Variants in MYO5B observed in about 807,000 individuals in gnomAD.
The protein encoded by MYO5B is unconventional myosin-Vb.
A neutral mutation model predicts 229.3 loss-of-function variants in MYO5B; 143 were observed. The observed-to-expected ratio is 0.62, with a 90% CI of 0.54 to 0.72. The LOEUF is 0.72. Among genes scored for constraint, MYO5B ranks in the 30% least tolerant of loss-of-function variants. The pLI, the probability that MYO5B is intolerant of heterozygous loss-of-function variation, is 0.00. For synonymous variants in MYO5B, 918 were observed against 885.2 expected, an observed-to-expected ratio of 1.04 and a Z score of -0.66; for missense variants, 2,321 against 2,331.0, an observed-to-expected ratio of 1.00 and a Z score of 0.09.
At chr18:50,147,987 A>G (rs1355607115) in intron 1 of MYO5B, among the ~76,000 whole-genome samples, 2 of 151,824 alleles carry the variant, frequency 1.3e-5, no homozygotes, top group Non-Finnish European at 2.9e-5. Context: ...CACAATAAAA[A>G]ATGATAAAGG....
chr18:50,009,787 C>G (rs1179224396), intron 4 of MYO5B, among the ~76,000 whole-genome samples: 1 of 152,192 alleles, frequency 6.6e-6, no homozygotes, highest in Non-Finnish European at 1.5e-5. Context: ...CGGAATGTTC[C>G]AAGCAAGAGA....
chr18:50,087,537 C>T lies in MYO5B; in HGVS notation c.28-32159G>A, dbSNP rs1225134928. On this transcript the variant is annotated intron_variant, in intron 1 of 39. Coordinates refer to ENST00000285039, the MANE Select transcript of MYO5B (RefSeq NM_001080467.3). ...GCAGTGAGGTGAGATCGTGCCACTG[C>T]ACTCTAGCCTGGGTGACAGAGGAAG... is the stretch of plus-strand genomic sequence containing the variant. Among the ~76,000 whole-genome samples the T allele has an allele frequency of 6.2e-5, 9 of 144,700 alleles. No individual in the cohort carries two copies. The East Asian group carries it at 1.2e-3, about 19-fold the overall frequency. 94.9% of individuals were successfully genotyped at this position (144,700 alleles called of 152,430 possible).
At chr18:50,022,619 G>A (rs563622642) in intron 4 of MYO5B, among the ~76,000 whole-genome samples, 25 of 152,316 alleles carry the variant, frequency 1.6e-4, no homozygotes, top group South Asian at 2.1e-4. Context: ...GCCTGCTGCC[G>A]TGGAGAAAGG....
At chr18:50,058,495 C>A (rs1429421918) in intron 1 of MYO5B, among the ~76,000 whole-genome samples, 4 of 151,148 alleles carry the variant, frequency 2.6e-5, no homozygotes, top group Non-Finnish European at 4.4e-5. Flanking sequence ...ATGACAGAGA[C>A]CCTATGGTTC....
At chr18:49,996,119 T>C (rs780403763) in intron 5 of MYO5B, among the ~76,000 whole-genome samples, 3 of 152,252 alleles carry the variant, frequency 2.0e-5, no homozygotes, top group Non-Finnish European at 4.4e-5. Flanking sequence ...ATATCTGAGA[T>C]CATTCCTTGT....
At chr18:50,145,069 T>C (rs74372330) in intron 1 of MYO5B, among the ~76,000 whole-genome samples, 1 of 152,148 alleles carries the variant, frequency 6.6e-6, no homozygotes, top group Non-Finnish European at 1.5e-5. Context: ...AGGAGAAACA[T>C]TCTGCCTGGA....
rs958794239 is a variant in MYO5B, at chr18:49,904,936, C to T, written c.2415-108G>A. The T allele has an allele frequency of 3.4e-5, 45 of 1,317,016 alleles. No homozygotes were observed. The African/African-American group carries it at 5.2e-4, about 15-fold the overall frequency. 81.6% of individuals were successfully genotyped at this position (1,317,016 alleles called of 1,614,324 possible). On this transcript the variant is annotated intron_variant, in intron 19 of 39. Transcript: ENST00000285039. ...GCAAACCTCTCCCTCTGTGGCCCTACCTGGACACACCCAGGGGAAACCAAC... is the reference window on the plus strand; with the variant it reads ...GCAAACCTCTCCCTCTGTGGCCCTATCTGGACACACCCAGGGGAAACCAAC...
chr18:50,112,261 G>C (rs990573948), intron 1 of MYO5B, among the ~76,000 whole-genome samples: 1 of 152,200 alleles, frequency 6.6e-6, no homozygotes, highest in African/African-American at 2.4e-5. Flanking sequence ...GCTACATCTA[G>C]GAATCCATAA....
At chr18:49,867,382 G>A (rs2024408947) in intron 27 of MYO5B, among the ~76,000 whole-genome samples, 1 of 152,136 alleles carries the variant, frequency 6.6e-6, no homozygotes, top group Non-Finnish European at 1.5e-5. Context: ...ACGGCGCAGT[G>A]AGCAGTTGGA....
At chr18:50,011,047 T>C (rs1352229100) in intron 4 of MYO5B, among the ~76,000 whole-genome samples, 1 of 152,142 alleles carries the variant, frequency 6.6e-6, no homozygotes, top group African/African-American at 2.4e-5. Flanking sequence ...TTTTAAAATT[T>C]AGGGCATCAT....
intron 1 of MYO5B, among the ~76,000 whole-genome samples, chr18:50,141,480 T>G (rs936153028): frequency 4.6e-5 from 7 of 152,220 alleles, no homozygotes; most frequent in African/African-American, 1.7e-4. Flanking sequence ...TCAAGAAAGC[T>G]GTTTTCTCCT....
intron 1 of MYO5B, among the ~76,000 whole-genome samples, chr18:50,166,874 T>C (rs1270591529): frequency 6.6e-6 from 1 of 152,208 alleles, no homozygotes; most frequent in African/African-American, 2.4e-5. Context: ...ACCAAGTATA[T>C]AACATTTTAC....
At chr18:50,008,454 C>T (rs1310177362) in intron 4 of MYO5B, among the ~76,000 whole-genome samples, 1 of 152,174 alleles carries the variant, frequency 6.6e-6, no homozygotes, top group African/African-American at 2.4e-5. Context: ...GAGCCCCCTT[C>T]GAGTTGTACA....
intron 39 of MYO5B, among the ~76,000 whole-genome samples, chr18:49,832,763 G>T (rs2023938550): frequency 6.6e-6 from 1 of 152,128 alleles, no homozygotes; most frequent in Non-Finnish European, 1.5e-5. Context: ...TTAATCATTT[G>T]AAAAAGTGGT....
chr18:50,025,699 G>A (rs1275095251), intron 4 of MYO5B, among the ~76,000 whole-genome samples: 1 of 152,172 alleles, frequency 6.6e-6, no homozygotes, highest in African/African-American at 2.4e-5. Flanking sequence ...TGCACTCTCA[G>A]TTATATTCCC....
chr18:50,112,410 C>T (rs9948420), intron 1 of MYO5B, among the ~76,000 whole-genome samples: 2,157 of 152,272 alleles, frequency 0.014, 50 homozygotes, highest in African/African-American at 0.048. Flanking sequence ...AACACCAAGA[C>T]GTCCCCATCA....
intron 2 of MYO5B, among the ~76,000 whole-genome samples, chr18:50,041,858 C>G (rs58478862): frequency 0.17 from 25,643 of 151,950 alleles, 2,221 homozygotes; most frequent in South Asian, 0.23. Flanking sequence ...AAGGAGACAG[C>G]GATTCTTCAT....
chr18:49,857,357 G>A (rs2024274667), intron 29 of MYO5B, among the ~76,000 whole-genome samples: 1 of 152,222 alleles, frequency 6.6e-6, no homozygotes, highest in Admixed American at 6.5e-5. Flanking sequence ...GGAAGCGGGA[G>A]GCAGTGAGCA....
chr18:50,002,087 C>T (rs2026054531), intron 4 of MYO5B, among the ~76,000 whole-genome samples: 1 of 151,976 alleles, frequency 6.6e-6, no homozygotes, highest in Non-Finnish European at 1.5e-5. Context: ...ATATCATCTC[C>T]CCTTTGTTTC....
Sources: allele counts gnomAD v4.1 joint callset (sites outside exome capture counted in the v4.1 genomes callset), GRCh38; gene constraint gnomAD v4.1.1; transcripts MANE v1.5; gene names NCBI Gene and HGNC (gene_info 2026-07-23, HGNC 2026-07-21).